CERS3: variants seen among roughly 807,000 people sequenced by gnomAD.
CERS3 encodes ceramide synthase 3.
A neutral mutation model predicts 50.3 loss-of-function variants in CERS3; 33 were observed. The ratio of observed to expected loss-of-function variants is 0.66; its 90% CI spans 0.50 to 0.88. The LOEUF (loss-of-function observed/expected upper bound fraction) is 0.88. Among genes scored for constraint, CERS3 ranks in the 40% least tolerant of loss-of-function variants. The pLI is 0.00. For missense variants in CERS3, 470 were observed against 460.3 expected (o/e 1.02, Z -0.19); for synonymous variants, 176 against 155.2 (o/e 1.13, Z -0.99).
intron 11 of CERS3, among the ~76,000 whole-genome samples, chr15:100,437,443 A>T (rs1181631832): frequency 6.6e-6 from 1 of 152,152 alleles, no homozygotes; most frequent in Non-Finnish European, 1.5e-5. Context: ...AAAAATGACC[A>T]CCTGGAATGT....
At chr15:100,412,655 G>A (rs550278298) in intron 11 of CERS3, among the ~76,000 whole-genome samples, 5 of 152,194 alleles carry the variant, frequency 3.3e-5, no homozygotes, top group East Asian at 1.9e-4. Context: ...GCTGTTCCAC[G>A]TATACAGAAT....
At chr15:100,503,024 G>A (rs1475842616) in intron 2 of CERS3, among the ~76,000 whole-genome samples, 1 of 152,214 alleles carries the variant, frequency 6.6e-6, no homozygotes, top group African/African-American at 2.4e-5. Context: ...CCAGAGCATA[G>A]AATAATGTAA....
At chr15:100,496,783 A>G (rs1337255500) in intron 3 of CERS3, among the ~76,000 whole-genome samples, 2 of 152,186 alleles carry the variant, frequency 1.3e-5, no homozygotes, top group African/African-American at 4.8e-5. Flanking sequence ...ACTTAAGAAG[A>G]ATTTTTGTGT....
intron 2 of CERS3, among the ~76,000 whole-genome samples, chr15:100,506,469 G>C (rs2411825): frequency 0.91 from 125,964 of 138,568 alleles, 57,653 homozygotes; most frequent in Middle Eastern, 0.94. Flanking sequence ...GGACCCCCCC[G>C]CCGCCCCACA....
chr15:100,476,223 A>G (rs751006030), intron 7 of CERS3, 45 bp from the exon 8 acceptor site: 21 of 1,329,946 alleles, frequency 1.6e-5, no homozygotes, highest in Non-Finnish European at 2.1e-5. Flanking sequence ...CCATCATAGA[A>G]GCAACTCATT....
intron 9 of CERS3, among the ~76,000 whole-genome samples, chr15:100,471,267 G>C (rs562155680): frequency 6.6e-6 from 1 of 151,616 alleles, no homozygotes; most frequent in Non-Finnish European, 1.5e-5. Context: ...ACCTCAGAAC[G>C]TTTTCAGGTA....
intron 11 of CERS3, among the ~76,000 whole-genome samples, chr15:100,404,605 G>A (rs948767565): frequency 2.0e-5 from 3 of 152,170 alleles, no homozygotes; most frequent in South Asian, 2.1e-4. Context: ...AGAATTTTCT[G>A]TAGATGCAGA....
At chr15:100,530,232 T>C (rs1160188666), upstream of CERS3, among the ~76,000 whole-genome samples, 3 of 152,220 alleles carry the variant, frequency 2.0e-5, no homozygotes, top group African/African-American at 7.2e-5. Flanking sequence ...GAGGCTTCCA[T>C]CTTCATCCAA....
intron 10 of CERS3, among the ~76,000 whole-genome samples, chr15:100,462,918 T>C (rs1451270948): frequency 4.6e-5 from 7 of 152,220 alleles, no homozygotes; most frequent in African/African-American, 1.7e-4. Flanking sequence ...TTTCCTGCGA[T>C]TGATAACTGT....
chr15:100,420,325 G>A (rs142819758), intron 11 of CERS3, among the ~76,000 whole-genome samples: 85,927 of 150,228 alleles, frequency 0.57, 24,840 homozygotes, highest in Non-Finnish European at 0.6. Flanking sequence ...AAACTAGAAA[G>A]TCTAGAAGAA....
In CERS3 at chr15:100,543,633, G is replaced by A. The variant is rs569998725; in HGVS notation, c.-355+1018C>T. ...TCACCTCTGCCTCCTGGGTTCAAGC[G>A]ATTCTCCTGCCTCAGCCTCCCCAGT... On this transcript the variant is annotated intron_variant, in intron 1 of 12. Transcript: ENST00000284382. Among the ~76,000 whole-genome samples the A allele has an allele frequency of 1.4e-3, 212 of 151,714 alleles. 1 individual carries two copies. The highest frequency in any genetic ancestry group is 2.4e-3 in the Non-Finnish European group (161 of 67,900).
At chr15:100,538,385 C>T (rs889874974) in intron 1 of CERS3, among the ~76,000 whole-genome samples, 4 of 152,246 alleles carry the variant, frequency 2.6e-5, no homozygotes, top group African/African-American at 9.6e-5. Flanking sequence ...CAGAGGTACT[C>T]CATGAGGGCT....
intron 11 of CERS3, among the ~76,000 whole-genome samples, chr15:100,455,612 G>C (rs561257007): frequency 9.9e-5 from 15 of 152,084 alleles, no homozygotes; most frequent in African/African-American, 3.6e-4. Flanking sequence ...TTTTCTTCAA[G>C]CATAAAAACA....
rs934791281 is a variant in CERS3, at chr15:100,417,839, A to C, written c.1000-14974T>G. Among the ~76,000 whole-genome samples the C allele has an allele frequency of 1.1e-4, 16 of 152,020 alleles. 1 individual carries two copies. Among genetic ancestry groups the C allele is most frequent in the South Asian group, 4.1e-4 (2 of 4,830 alleles). On this transcript the variant is annotated intron_variant, in intron 11 of 11. Transcript: ENST00000679737. ...AGGGCACACTGACACCTCACACAGC[A>C]GGGTATTCCAACAGACCTGCAGCTG...
chr15:100,427,505 G>A (rs1377521577), intron 11 of CERS3, among the ~76,000 whole-genome samples: 2 of 152,200 alleles, frequency 1.3e-5, no homozygotes, highest in Admixed American at 1.3e-4. Context: ...AAGTTATGCT[G>A]AGACATTAAT....
intron 10 of CERS3, among the ~76,000 whole-genome samples, chr15:100,459,520 C>T (rs371540172): frequency 6.0e-4 from 91 of 152,146 alleles, no homozygotes; most frequent in African/African-American, 2.1e-3. Flanking sequence ...AGGCTGATCT[C>T]GAACTTCTAG....
At chr15:100,458,904 A>C (rs1231012710) in intron 10 of CERS3, among the ~76,000 whole-genome samples, 1 of 152,230 alleles carries the variant, frequency 6.6e-6, no homozygotes, top group East Asian at 1.9e-4. Context: ...CTACATATCA[A>C]GAGTTAGCAA....
At chr15:100,543,126 G>T (rs1383277855) in intron 1 of CERS3, among the ~76,000 whole-genome samples, 1 of 152,018 alleles carries the variant, frequency 6.6e-6, no homozygotes, top group Non-Finnish European at 1.5e-5. Flanking sequence ...TGGCTAGGCT[G>T]GTCTCGAACT....
At chr15:100,484,006 C>A (rs2035410228) in intron 5 of CERS3, among the ~76,000 whole-genome samples, 1 of 151,574 alleles carries the variant, frequency 6.6e-6, no homozygotes, top group African/African-American at 2.4e-5. Flanking sequence ...CTGACCACCT[C>A]TACTAAAAAT....
Sources: gnomAD v4.1 joint callset for allele counts (sites outside exome capture counted in the v4.1 genomes callset) on GRCh38, gnomAD v4.1.1 for gene constraint, MANE v1.5 for transcripts, NCBI Gene and HGNC (gene_info 2026-07-23, HGNC 2026-07-21) for gene names.